IL1R2: variants seen among roughly 807,000 people sequenced by gnomAD.
The protein encoded by IL1R2 is interleukin-1 receptor type 2.
Under a neutral mutation model 39.5 loss-of-function variants are expected in IL1R2, and 46 were observed. That is an observed-to-expected ratio of 1.16 (90% confidence interval 0.92 to 1.49). The LOEUF (loss-of-function observed/expected upper bound fraction) is 1.49, where lower values mean the gene tolerates loss of function less well. Ranked by LOEUF, IL1R2 falls within the 40% of genes most tolerant of loss-of-function variation. The probability of loss-of-function intolerance (pLI) is 0.00; values close to 1 mark genes in which losing one functional copy is unlikely to be tolerated. For missense variants in IL1R2, 537 were observed against 502.0 expected, an observed-to-expected ratio of 1.07 and a Z score of -0.67; for synonymous variants, 207 against 189.6, an observed-to-expected ratio of 1.09 and a Z score of -0.75.
At chr2:102,014,030 C>T (rs1676833504) in intron 3 of IL1R2, among the ~76,000 whole-genome samples, 1 of 152,112 alleles carries the variant, frequency 6.6e-6, no homozygotes, top group South Asian at 2.1e-4. Context: ...CAAATTGCCC[C>T]TCACCCTTCT....
At chr2:102,026,904 C>A (rs553837823) in intron 8 of IL1R2, among the ~76,000 whole-genome samples, 22 of 152,324 alleles carry the variant, frequency 1.4e-4, no homozygotes, top group Middle Eastern at 6.8e-3. Flanking sequence ...TGATTCCCAG[C>A]ATCTCAGTGA....
chr2:102,023,120 T>A (rs1437687321), intron 6 of IL1R2, among the ~76,000 whole-genome samples: 1 of 152,274 alleles, frequency 6.6e-6, no homozygotes, highest in Non-Finnish European at 1.5e-5. Flanking sequence ...GGTCTGTTAC[T>A]CATTTATGAA....
rs1209973311 is a variant in IL1R2, at chr2:102,008,538, C to G, written c.-38C>G. ...AGGCCACGTGCTGCTGGGTCTCAGT[C>G]CTCCACTTCCCGTGTCCTCTGGAAG... On this transcript the variant is annotated 5_prime_UTR_variant, in exon 2 of 9. Transcript: ENST00000332549. The G allele has an allele frequency of 1.3e-6, 2 of 1,570,054 alleles. No homozygotes were observed. Among genetic ancestry groups the G allele is most frequent in the African/African-American group, 2.7e-5 (2 of 73,990 alleles).
intron 1 of IL1R2, among the ~76,000 whole-genome samples, chr2:101,994,668 G>A (rs1226252832): frequency 6.6e-6 from 1 of 152,230 alleles, no homozygotes; most frequent in Non-Finnish European, 1.5e-5. Flanking sequence ...GCCTGTGGGG[G>A]AGCTATCTCA....
intron 1 of IL1R2, among the ~76,000 whole-genome samples, 198 bp from the exon 2 acceptor site, chr2:102,008,317 G>A (rs1005032126): frequency 1.3e-5 from 2 of 152,228 alleles, no homozygotes; most frequent in African/African-American, 2.4e-5. Flanking sequence ...GTGCTACAAG[G>A]ATTCGACTTT....
intron 6 of IL1R2, 62 bp downstream of exon 6, chr2:102,022,311 G>A (rs1677454501): frequency 7.2e-7 from 1 of 1,391,326 alleles, no homozygotes; most frequent in Non-Finnish European, 1.0e-6. Flanking sequence ...TCCCAATGCA[G>A]GGGGCTTGGG....
At chr2:101,994,053 CG>C (rs1209067721) in intron 1 of IL1R2, among the ~76,000 whole-genome samples, 1 of 152,212 alleles carries the variant, frequency 6.6e-6, no homozygotes, top group Admixed American at 6.5e-5. Flanking sequence ...TGCACAGACA[CG>C]GGAGAGTGCC....
chr2:102,016,261 T>C, intron 4 of IL1R2: 1 of 479,480 alleles, frequency 2.1e-6, no homozygotes, highest in Non-Finnish European at 3.7e-6. Context: ...ACAAATAAAA[T>C]AACAGTACAA....
chr2:101,997,052 G>T (rs936780229), intron 1 of IL1R2, among the ~76,000 whole-genome samples: 2 of 152,184 alleles, frequency 1.3e-5, no homozygotes, highest in African/African-American at 4.8e-5. Context: ...GAAGAAGCCT[G>T]AGAAGAGGGG....
At chr2:101,995,940 G>A (rs1316060036) in intron 1 of IL1R2, among the ~76,000 whole-genome samples, 1 of 152,204 alleles carries the variant, frequency 6.6e-6, no homozygotes, top group Non-Finnish European at 1.5e-5. Flanking sequence ...GGATGCAGGA[G>A]GACCTCAGCC....
At chr2:101,999,894 A>G (rs547214501) in intron 1 of IL1R2, among the ~76,000 whole-genome samples, 15 of 152,348 alleles carry the variant, frequency 9.8e-5, no homozygotes, top group African/African-American at 3.6e-4. Context: ...TGTATTTTAT[A>G]AAGTAAATAT....
chr2:102,015,704 A>G (rs1362086231), intron 3 of IL1R2, among the ~76,000 whole-genome samples, 167 bp from the exon 4 acceptor site: 1 of 152,228 alleles, frequency 6.6e-6, no homozygotes, highest in African/African-American at 2.4e-5. Context: ...CAGCATTGTA[A>G]AGTCAAAAAA....
chr2:102,013,587 GA>G (rs57976300), intron 3 of IL1R2, among the ~76,000 whole-genome samples: 1,614 of 60,948 alleles, frequency 0.026, 31 homozygotes, highest in East Asian at 0.073. Flanking sequence ...AAAAGAAAAA[GA>G]AAAAAAAAAA....
intron 3 of IL1R2, among the ~76,000 whole-genome samples, chr2:102,015,167 T>A (rs945010281): frequency 2.6e-5 from 4 of 152,152 alleles, no homozygotes; most frequent in Admixed American, 2.6e-4. Flanking sequence ...AATCTCTGCA[T>A]GTGGATATGG....
chr2:101,993,273 T>C (rs1423160584), intron 1 of IL1R2, among the ~76,000 whole-genome samples: 1 of 152,202 alleles, frequency 6.6e-6, no homozygotes, highest in African/African-American at 2.4e-5. Flanking sequence ...GCCTGGGTTC[T>C]GAGTCCAGCT....
In IL1R2 at chr2:102,019,798, A is replaced by C; in HGVS notation, c.674A>C (p.Glu225Ala). ...CAATACAACATCACTAGGAGTATTGAGCTACGCATCAAGAGTAAGTACTTG... is the reference window on the plus strand; with the variant it reads ...CAATACAACATCACTAGGAGTATTGCGCTACGCATCAAGAGTAAGTACTTG... ...GQQYNITRSI[E>A]LRIKKKKEET... is the part of the protein sequence containing the mutation. Residue 225 changes from glutamate to alanine, a missense_variant, in exon 5 of 9, where the codon GAG (glutamate) becomes GCG (alanine). Coordinates refer to ENST00000332549, the MANE Select transcript of IL1R2 (RefSeq NM_004633.4). 1 of 1,613,882 alleles carries C rather than the reference A, an allele frequency of 6.2e-7. No homozygotes were observed. The highest frequency in any genetic ancestry group is 8.5e-7 in the Non-Finnish European group (1 of 1,179,880).
At chr2:102,011,176 C>T (rs1015880148) in intron 3 of IL1R2, among the ~76,000 whole-genome samples, 1 of 152,186 alleles carries the variant, frequency 6.6e-6, no homozygotes, top group Admixed American at 6.5e-5. Flanking sequence ...CTCCTTTCAG[C>T]TATTGTGAAT....
chr2:102,015,707 TCAAAAA>T (rs1433814912), intron 3 of IL1R2, among the ~76,000 whole-genome samples, 158 bp from the exon 4 acceptor site: 2 of 152,198 alleles, frequency 1.3e-5, no homozygotes, highest in Non-Finnish European at 2.9e-5. Context: ...CATTGTAAAG[TCAAAAA>T]ATCCTAAGTT....
intron 1 of IL1R2, among the ~76,000 whole-genome samples, chr2:102,007,712 G>T (rs1403779441): frequency 6.6e-6 from 1 of 152,206 alleles, no homozygotes; most frequent in African/African-American, 2.4e-5. Flanking sequence ...TGAAAAGCAG[G>T]CTGGAGGGCA....
Sources: allele counts gnomAD v4.1 joint callset (sites outside exome capture counted in the v4.1 genomes callset), GRCh38; gene constraint gnomAD v4.1.1; transcripts MANE v1.5; gene names NCBI Gene and HGNC (gene_info 2026-07-23, HGNC 2026-07-21).